The following ZFHX4 variants were observed in gnomAD, a reference collection of about 807,000 sequenced individuals.
ZFHX4 encodes zinc finger homeobox protein 4.
Under a neutral mutation model 267.6 loss-of-function variants are expected in ZFHX4, and 56 were observed. The observed-to-expected ratio is 0.21, with a 90% CI of 0.17 to 0.26. The LOEUF (loss-of-function observed/expected upper bound fraction) is 0.26, where lower values mean the gene tolerates loss of function less well. Among genes scored for constraint, ZFHX4 ranks in the 10% least tolerant of loss-of-function variants. The probability of loss-of-function intolerance (pLI) is 1.00; values close to 1 mark genes in which losing one functional copy is unlikely to be tolerated. For missense variants in ZFHX4, 4,332 were observed against 4,420.0 expected, an observed-to-expected ratio of 0.98 and a Z score of 0.56; for synonymous variants, 1,778 against 1,665.6, an observed-to-expected ratio of 1.07 and a Z score of -1.64.
At chr8:76,718,204 T>C (rs1289397689) in intron 3 of ZFHX4, among the ~76,000 whole-genome samples, 1 of 152,212 alleles carries the variant, frequency 6.6e-6, no homozygotes, top group Non-Finnish European at 1.5e-5. Flanking sequence ...AAATAGTGTT[T>C]TTTTGAAAAA....
intron 4 of ZFHX4, among the ~76,000 whole-genome samples, chr8:76,786,322 G>C (rs1810687904): frequency 6.6e-6 from 1 of 150,592 alleles, no homozygotes; most frequent in Middle Eastern, 3.4e-3. Context: ...CTAGCTATCA[G>C]TTCTCATCTG....
chr8:76,713,500 A>T (rs966775396), intron 3 of ZFHX4, among the ~76,000 whole-genome samples: 1 of 152,236 alleles, frequency 6.6e-6, no homozygotes, highest in East Asian at 1.9e-4. Flanking sequence ...TATTTTCTGT[A>T]TGTCTTTTCT....
intron 3 of ZFHX4, 63 bp from the exon 4 acceptor site, chr8:76,778,145 A>G: frequency 9.1e-7 from 1 of 1,096,464 alleles, no homozygotes; most frequent in Non-Finnish European, 1.4e-6. Flanking sequence ...GGTGGGTGTC[A>G]CCTGTTTTGT....
rs1164496766 is a variant in ZFHX4 at position 76,863,914 on chromosome 8, G to A, written c.10200G>A (p.Lys3400=). ...ACACTTACGTTGTTCCATTCGTCAA[G>A]TATGAGTTTATATGCAGAAAGTGCC... is the stretch of plus-strand genomic sequence containing the variant. ...FSDTYVVPFV[K]YEFICRKCQM... The change falls in exon 11 of 11, where the codon AAG becomes AAA. Residue 3400 remains lysine (K), a synonymous_variant. Coordinates refer to ENST00000651372, the MANE Select transcript of ZFHX4 (RefSeq NM_024721.5). 8 of 1,588,858 alleles carry A rather than the reference G, an allele frequency of 5.0e-6. No individual in the cohort carries two copies. The highest frequency in any genetic ancestry group is 2.7e-5 in the African/African-American group (2 of 74,544).
chr8:76,693,794 G>A (rs935875427), intron 1 of ZFHX4, among the ~76,000 whole-genome samples: 2 of 152,162 alleles, frequency 1.3e-5, no homozygotes, highest in Admixed American at 6.5e-5. Flanking sequence ...GAAGGAGGGT[G>A]CAGATTAGGA....
At chr8:76,690,264 C>T (rs1449309825) in intron 1 of ZFHX4, among the ~76,000 whole-genome samples, 1 of 152,028 alleles carries the variant, frequency 6.6e-6, no homozygotes, top group Non-Finnish European at 1.5e-5. Flanking sequence ...TTAAAATATG[C>T]ATTTTATAAC....
At position 76,852,021 on chromosome 8, in the gene ZFHX4, C is replaced by G. The variant is rs201856490; in HGVS notation, c.5100C>G (p.His1700Gln). 1.2e-6 allele frequency: 2 copies of G among 1,613,868 alleles called. No individual in the cohort carries two copies. The highest frequency in any genetic ancestry group is 2.2e-5 in the East Asian group (1 of 44,884). The change falls in exon 10 of 11, where the codon CAC becomes CAG. Residue 1700 changes from histidine (H) to glutamine (Q), a missense_variant. Physicochemically the swap from His to Gln is conservative, Grantham distance 24. This residue lies in a region of ZFHX4 where 1,371 missense variants were observed against 1,423.1 expected (regional missense o/e 0.96). Coordinates refer to ENST00000651372, the MANE Select transcript of ZFHX4 (RefSeq NM_024721.5). ...CACAAATTCAGATGCAACTACAGCA[C>G]GAATTACAACAGCAAGCCGCATTCT... ...SPAQIQMQLQ[H>Q]ELQQQAAFFQ...
intron 5 of ZFHX4, among the ~76,000 whole-genome samples, chr8:76,838,819 G>C (rs1294152187): frequency 6.6e-6 from 1 of 152,082 alleles, no homozygotes; most frequent in East Asian, 1.9e-4. Flanking sequence ...ACTTTGAAAG[G>C]CTGAGTTGGC....
At position 76,863,837 on chromosome 8, in the gene ZFHX4, G is replaced by T; in HGVS notation, c.10123G>T (p.Glu3375Ter). The stretch of plus-strand genomic sequence containing the variant: ...AAAGGAAGACAAAAGTACTGCTACA[G>T]AAAGCACAAAAGAAGAACCCCAGTT... ...ETKEDKSTAT[E>*]STKEEPQLES... is the part of the protein sequence containing the mutation. Residue 3375 changes from glutamate (E) to a stop codon, truncating the protein, a stop_gained, in exon 11 of 11, where the codon GAA becomes TAA. Coordinates refer to ENST00000651372, the MANE Select transcript of ZFHX4 (RefSeq NM_024721.5). LOFTEE classifies it high-confidence loss of function. 1 of 1,553,640 alleles carries T rather than the reference G, an allele frequency of 6.4e-7. No individual in the cohort carries two copies. The highest frequency in any genetic ancestry group is 8.7e-7 in the Non-Finnish European group (1 of 1,147,880).
intron 3 of ZFHX4, among the ~76,000 whole-genome samples, chr8:76,737,119 A>T (rs772004696): frequency 1.3e-5 from 2 of 152,128 alleles, no homozygotes; most frequent in Non-Finnish European, 2.9e-5. Context: ...ACCTGCTCTG[A>T]TGTTTTCCCT....
chr8:76,700,521 C>A (rs1291320183), intron 1 of ZFHX4, among the ~76,000 whole-genome samples: 1 of 152,132 alleles, frequency 6.6e-6, no homozygotes, highest in Non-Finnish European at 1.5e-5. Flanking sequence ...AGAAAGCACC[C>A]CCTTTCATTA....
intron 3 of ZFHX4, among the ~76,000 whole-genome samples, chr8:76,746,968 C>T (rs986155590): frequency 3.3e-5 from 5 of 152,118 alleles, no homozygotes; most frequent in African/African-American, 1.2e-4. Flanking sequence ...TCACCGAATT[C>T]TGACATGTTA....
intron 3 of ZFHX4, among the ~76,000 whole-genome samples, chr8:76,724,634 A>G (rs1808806123): frequency 6.6e-6 from 1 of 152,124 alleles, no homozygotes. Flanking sequence ...TGAGTCCAGA[A>G]GTTGGTTTAA....
At chr8:76,773,854 C>A (rs112109152) in intron 3 of ZFHX4, among the ~76,000 whole-genome samples, 2 of 152,000 alleles carry the variant, frequency 1.3e-5, no homozygotes, top group African/African-American at 4.8e-5. Flanking sequence ...AATTGTATGC[C>A]CTCTTTCTCA....
intron 3 of ZFHX4, among the ~76,000 whole-genome samples, chr8:76,737,584 A>T (rs538268244): frequency 1.3e-5 from 2 of 152,146 alleles, no homozygotes; most frequent in Non-Finnish European, 2.9e-5. Context: ...AAGTTACTTA[A>T]CCTCTCTAAC....
rs1363918404 is a variant in ZFHX4 at position 76,705,481 on chromosome 8, G to C, written c.1393G>C (p.Glu465Gln). ...HPNGECPVKS[E>Q]PTEPGDEDEE... Reference sequence around the variant, plus strand: ...AAACGGGGAGTGCCCTGTCAAAAGTGAACCCACTGAACCGGGAGATGAGGA... The same window carrying C: ...AAACGGGGAGTGCCCTGTCAAAAGTCAACCCACTGAACCGGGAGATGAGGA... Residue 465 changes from glutamate to glutamine, a missense_variant, in exon 2 of 11, where the codon GAA (glutamate) becomes CAA (glutamine). Around this residue, in one of 7 missense-constraint regions of ZFHX4, gnomAD observed 1,195 missense variants for 1,173.6 expected, o/e 1.02. Coordinates refer to ENST00000651372, the MANE Select transcript of ZFHX4 (RefSeq NM_024721.5). 6.2e-7 allele frequency: 1 copy of C among 1,613,722 alleles called. No individual in the cohort carries two copies. The highest frequency in any genetic ancestry group is 1.1e-5 in the South Asian group (1 of 91,018).
At chr8:76,779,262 T>G (rs1474023638) in intron 4 of ZFHX4, among the ~76,000 whole-genome samples, 1 of 152,186 alleles carries the variant, frequency 6.6e-6, no homozygotes, top group African/African-American at 2.4e-5. Context: ...AAGTCCGTTT[T>G]CCCTTTTTTT....
intron 3 of ZFHX4, among the ~76,000 whole-genome samples, chr8:76,754,148 G>T (rs1014038864): frequency 3.3e-5 from 5 of 152,170 alleles, no homozygotes; most frequent in African/African-American, 4.8e-5. Flanking sequence ...ATTTGTTTAC[G>T]TATCTTTACA....
Position 76,864,654 on chromosome 8 carries a change from T to A in ZFHX4, c.*89T>A. The A allele has an allele frequency of 1.0e-6, 1 of 991,966 alleles. No individual in the cohort carries two copies. The highest frequency in any genetic ancestry group is 1.4e-6 in the Non-Finnish European group (1 of 702,742). The allele number at this position is 991,966 out of a possible 1,614,324, so 61.4% of individuals were successfully genotyped here. On this transcript the variant is annotated 3_prime_UTR_variant, in exon 11 of 11. Coordinates refer to ENST00000651372, the MANE Select transcript of ZFHX4 (RefSeq NM_024721.5). ...TTTAACTGCAGTTCCAAAGCTTCTC[T>A]AACCCAAAAATTACAGTACCAAATG... is the stretch of plus-strand genomic sequence containing the variant.
Sources: allele counts gnomAD v4.1 joint callset (sites outside exome capture counted in the v4.1 genomes callset), GRCh38; gene constraint gnomAD v4.1.1; regional missense constraint gnomAD v4.1.1; transcripts MANE v1.5; gene names NCBI Gene and HGNC (gene_info 2026-07-23, HGNC 2026-07-21).